SHLD1: variants seen among roughly 807,000 people sequenced by gnomAD.
The protein encoded by SHLD1 is shieldin complex subunit 1.
In SHLD1, 3 loss-of-function variants were observed where a neutral mutation model predicts 5.5. The ratio of observed to expected loss-of-function variants is 0.54; its 90% CI spans 0.25 to 1.40. The LOEUF is 1.40. Among genes scored for constraint, SHLD1 ranks in the 40% most tolerant of loss-of-function variants. The pLI is 0.15. For missense variants in SHLD1, 210 were observed against 244.4 expected, an observed-to-expected ratio of 0.86 and a Z score of 0.94; for synonymous variants, 92 against 94.3, an observed-to-expected ratio of 0.98 and a Z score of 0.14.
At position 5,806,990 on chromosome 20, in the gene SHLD1, A is replaced by G. The variant is rs117397722; in HGVS notation, c.178+33947A>G. 6.6e-6 allele frequency among the ~76,000 whole-genome samples: 1 copy of G among 152,328 alleles called. No homozygotes were observed. Among genetic ancestry groups the G allele is most frequent in the East Asian group, 1.9e-4 (1 of 5,182 alleles). On this transcript the variant is annotated intron_variant, in intron 2 of 2. Coordinates refer to ENST00000303142, the MANE Select transcript of SHLD1 (RefSeq NM_152504.4). This position sits in a 1 kb window ranked among gnomAD's most constrained non-coding sequence, Gnocchi z 7.6. ...GAATTCTCATTTTATTCCTCAATGCACTGGCTTAGAAATCAGCTGGCTGGT... is the reference window on the plus strand; with the variant it reads ...GAATTCTCATTTTATTCCTCAATGCGCTGGCTTAGAAATCAGCTGGCTGGT...
intron 2 of SHLD1, among the ~76,000 whole-genome samples, chr20:5,785,489 A>G (rs2087046431): frequency 6.6e-6 from 1 of 152,118 alleles, no homozygotes; most frequent in Non-Finnish European, 1.5e-5. Flanking sequence ...ATGATTACAT[A>G]CTATGCATTA....
At chr20:5,794,056 C>G (rs1180873642) in intron 2 of SHLD1, among the ~76,000 whole-genome samples, 2 of 150,112 alleles carry the variant, frequency 1.3e-5, no homozygotes, top group Non-Finnish European at 3.0e-5. Context: ...AAAAAAAAAT[C>G]ACGTTCTACA....
At chr20:5,753,330 CAG>C (rs1983872901) in intron 1 of SHLD1, among the ~76,000 whole-genome samples, 1 of 152,112 alleles carries the variant, frequency 6.6e-6, no homozygotes, top group Non-Finnish European at 1.5e-5. Context: ...AACATAGAGA[CAG>C]GGTCTTGCCG....
chr20:5,861,992 C>T (rs566635036), intron 2 of SHLD1, among the ~76,000 whole-genome samples: 10 of 152,262 alleles, frequency 6.6e-5, no homozygotes, highest in Non-Finnish European at 1.3e-4. Flanking sequence ...TGTGTGCTCA[C>T]ATGGCTTTTC....
intron 2 of SHLD1, among the ~76,000 whole-genome samples, chr20:5,798,520 T>A (rs968528200): frequency 1.3e-5 from 2 of 152,018 alleles, no homozygotes; most frequent in Non-Finnish European, 2.9e-5. Flanking sequence ...GCCAGGATGG[T>A]CTCAATCTCC....
At chr20:5,856,228 A>G (rs1209821020) in intron 2 of SHLD1, among the ~76,000 whole-genome samples, 1 of 152,252 alleles carries the variant, frequency 6.6e-6, no homozygotes, top group Non-Finnish European at 1.5e-5. Context: ...ATGTGGAGCA[A>G]GCATGTTCGA....
intron 2 of SHLD1, among the ~76,000 whole-genome samples, chr20:5,779,414 T>C (rs1453400154): frequency 6.6e-6 from 1 of 152,164 alleles, no homozygotes; most frequent in Non-Finnish European, 1.5e-5. Flanking sequence ...CATTTTCTTT[T>C]CCATGCCTCT....
chr20:5,831,603 C>A (rs2087729423), intron 2 of SHLD1, among the ~76,000 whole-genome samples: 1 of 151,984 alleles, frequency 6.6e-6, no homozygotes, highest in Non-Finnish European at 1.5e-5. Context: ...TGGACTGTGG[C>A]CTTGAAGAAA....
chr20:5,781,542 A>G (rs2086989371), intron 2 of SHLD1, among the ~76,000 whole-genome samples: 1 of 151,824 alleles, frequency 6.6e-6, no homozygotes, highest in African/African-American at 2.4e-5. Flanking sequence ...CAATGGTGCA[A>G]TCTCGGCTCC....
chr20:5,855,743 T>C lies in SHLD1; in HGVS notation c.179-7281T>C, dbSNP rs983608222. On this transcript the variant is annotated intron_variant, in intron 2 of 2. Transcript: ENST00000303142. The surrounding 1 kb of genome is among the most constrained non-coding windows in gnomAD (Gnocchi z 4.4). ...GCTTCTAACTCTTGGCTAATGTGAA[T>C]ATGAGAAATGCAATTTGAAATAGTG... is the stretch of plus-strand genomic sequence containing the variant. Among the ~76,000 whole-genome samples, 10 of 152,184 alleles carry C rather than the reference T, an allele frequency of 6.6e-5. No individual in the cohort carries two copies. Among genetic ancestry groups the C allele is most frequent in the Non-Finnish European group, 8.8e-5 (6 of 68,028 alleles).
At chr20:5,817,588 C>A (rs1387213519) in intron 2 of SHLD1, among the ~76,000 whole-genome samples, 1 of 152,014 alleles carries the variant, frequency 6.6e-6, no homozygotes, top group African/African-American at 2.4e-5. Context: ...CTTTCTGGGT[C>A]TGTACTGAAT....
In SHLD1 at chr20:5,855,402, C is replaced by T. The variant is rs1048383504; in HGVS notation, c.179-7622C>T. On this transcript the variant is annotated intron_variant, in intron 2 of 2. Transcript: ENST00000303142. This position sits in a 1 kb window ranked among gnomAD's most constrained non-coding sequence, Gnocchi z 4.4. Reference sequence around the variant, plus strand: ...TTGTTTTATTTTTGAGACAGAGTCTCGCTCTGTCACCTAGACTGGAGTACA... The same window carrying T: ...TTGTTTTATTTTTGAGACAGAGTCTTGCTCTGTCACCTAGACTGGAGTACA... Among the ~76,000 whole-genome samples the T allele has an allele frequency of 1.3e-5, 2 of 152,120 alleles. No individual in the cohort carries two copies. The highest frequency in any genetic ancestry group is 6.5e-5 in the Admixed American group (1 of 15,268).
At chr20:5,754,795 C>T (rs1983970044) in intron 1 of SHLD1, among the ~76,000 whole-genome samples, 1 of 152,188 alleles carries the variant, frequency 6.6e-6, no homozygotes, top group African/African-American at 2.4e-5. Context: ...GTGGCTCACG[C>T]CTGTAATGCC....
chr20:5,849,861 A>C (rs1242240233), intron 2 of SHLD1, among the ~76,000 whole-genome samples: 9 of 148,292 alleles, frequency 6.1e-5, no homozygotes, highest in African/African-American at 2.2e-4. Flanking sequence ...CGGGAGGCTG[A>C]GGCAGGAGAA....
At chr20:5,809,737 T>C (rs559769495) in intron 2 of SHLD1, among the ~76,000 whole-genome samples, 1 of 152,140 alleles carries the variant, frequency 6.6e-6, no homozygotes, top group South Asian at 2.1e-4. Flanking sequence ...CATTTTTGGT[T>C]GTTAAAGCCA....
intron 2 of SHLD1, among the ~76,000 whole-genome samples, chr20:5,826,628 C>T (rs1306419465): frequency 1.3e-5 from 2 of 152,110 alleles, no homozygotes; most frequent in African/African-American, 2.4e-5. Flanking sequence ...TGACCTCAAT[C>T]GGAGTAGTCA....
intron 2 of SHLD1, among the ~76,000 whole-genome samples, chr20:5,858,589 T>C (rs2088119996): frequency 2.0e-5 from 3 of 152,206 alleles, no homozygotes; most frequent in Non-Finnish European, 4.4e-5. Context: ...ATCCTAGCAC[T>C]TTGGAAGGCC....
intron 2 of SHLD1, among the ~76,000 whole-genome samples, chr20:5,786,866 C>G (rs539252989): frequency 6.8e-6 from 1 of 147,896 alleles, no homozygotes; most frequent in Non-Finnish European, 1.5e-5. Context: ...AATCTCTGCC[C>G]CAGGAAGACA....
rs1462011327 is a variant in SHLD1 at position 5,863,140 on chromosome 20, C to G, written c.295C>G (p.Leu99Val). 3.1e-6 allele frequency: 5 copies of G among 1,614,168 alleles called. No homozygotes were observed. The highest frequency in any genetic ancestry group is 4.2e-6 in the Non-Finnish European group (5 of 1,180,018). ...AGAGGATGATGGCCTTCGGAAATCC[C>G]TGGATAGATTCTATGAAATGTTTGG... is the stretch of plus-strand genomic sequence containing the variant. ...KEEDDGLRKS[L>V]DRFYEMFGHP... The change falls in exon 3 of 3, where the codon CTG becomes GTG. Residue 99 changes from leucine to valine, a missense_variant. Leu to Val is a conservative substitution (Grantham distance 32). Transcript: ENST00000303142.
Sources: allele counts gnomAD v4.1 joint callset (sites outside exome capture counted in the v4.1 genomes callset), GRCh38; gene constraint gnomAD v4.1.1; non-coding constraint Gnocchi (gnomAD v3.1); transcripts MANE v1.5; gene names NCBI Gene and HGNC (gene_info 2026-07-23, HGNC 2026-07-21).